ZNF654: variants seen among roughly 807,000 people sequenced by gnomAD.
The protein encoded by ZNF654 is melanoma-associated antigen.
A neutral mutation model predicts 95.3 loss-of-function variants in ZNF654; 19 were observed. The ratio of observed to expected loss-of-function variants is 0.20; its 90% CI spans 0.14 to 0.29. ZNF654 has a LOEUF of 0.29. Ranked by LOEUF, ZNF654 falls within the 10% of genes least tolerant of loss-of-function variation. The pLI is 1.00. For synonymous variants in ZNF654, 413 were observed against 457.9 expected, an observed-to-expected ratio of 0.90 and a Z score of 1.25; for missense variants, 1,046 against 1,341.0, an observed-to-expected ratio of 0.78 and a Z score of 3.44.
At chr3:88,109,056 A>AT (rs1465169906) in intron 2 of ZNF654, among the ~76,000 whole-genome samples, 1 of 151,790 alleles carries the variant, frequency 6.6e-6, no homozygotes, top group Non-Finnish European at 1.5e-5. Flanking sequence ...ATTGATGAAA[A>AT]TTGGGTTAGG....
intron 1 of ZNF654, among the ~76,000 whole-genome samples, chr3:88,070,508 C>CA (rs946383552): frequency 6.8e-6 from 1 of 147,542 alleles, no homozygotes; most frequent in African/African-American, 2.5e-5. Flanking sequence ...TCAGACATAC[C>CA]AAAAAAAGTT....
rs1431043046 is a variant in ZNF654, at chr3:88,126,118, G to T, written c.415-16G>T. On this transcript the variant is annotated splice_polypyrimidine_tract_variant and intron_variant, in intron 3 of 8. Transcript: ENST00000636215. ...CCCTTTAAATTCACAGAGCCAAAAT[G>T]ATTTTTCTCTCCTAGGAATGCCAGA... The T allele has an allele frequency of 6.1e-6, 9 of 1,466,634 alleles. No homozygotes were observed. The highest frequency in any genetic ancestry group is 1.4e-5 in the African/African-American group (1 of 70,830). 90.9% of individuals were successfully genotyped at this position (1,466,634 alleles called of 1,614,324 possible).
At chr3:88,065,370 A>G (rs1229270567) in intron 1 of ZNF654, among the ~76,000 whole-genome samples, 4 of 152,144 alleles carry the variant, frequency 2.6e-5, no homozygotes, top group Non-Finnish European at 5.9e-5. Flanking sequence ...TTGTAATAGT[A>G]AATCATTGAA....
At chr3:88,126,026 A>G in intron 3 of ZNF654, 108 bp from the exon 4 acceptor site, 1 of 1,183,470 alleles carries the variant, frequency 8.4e-7, no homozygotes, top group Non-Finnish European at 1.1e-6. Flanking sequence ...CTCTTTTATA[A>G]TTTAATAGCT....
chr3:88,128,076 G>C (rs779755222), intron 4 of ZNF654, among the ~76,000 whole-genome samples: 2 of 152,014 alleles, frequency 1.3e-5, no homozygotes, highest in Non-Finnish European at 2.9e-5. Flanking sequence ...TTAATTATTT[G>C]TCCTTGGGCA....
chr3:88,139,839 A>G lies in ZNF654; in HGVS notation c.2170A>G (p.Ile724Val), dbSNP rs1387280705. The G allele has an allele frequency of 1.3e-6, 2 of 1,580,284 alleles. No individual in the cohort carries two copies. Among genetic ancestry groups the G allele is most frequent in the South Asian group, 2.3e-5 (2 of 87,124 alleles). ...TGACCTGAATCAAGAAACTTCAGTAATTCATAAAATCAATGGAACTGTGTG... is the reference window on the plus strand; with the variant it reads ...TGACCTGAATCAAGAAACTTCAGTAGTTCATAAAATCAATGGAACTGTGTG... ...DYDLNQETSVIHKINGTVCHP... is the reference protein window; with the variant it reads ...DYDLNQETSVVHKINGTVCHP... The change falls in exon 8 of 9, where the codon ATT becomes GTT. Residue 724 changes from isoleucine (I) to valine (V), a missense_variant. Ile to Val is a conservative substitution (Grantham distance 29). Transcript: ENST00000636215.
At chr3:88,104,359 A>C (rs1025449609) in intron 2 of ZNF654, among the ~76,000 whole-genome samples, 1 of 152,228 alleles carries the variant, frequency 6.6e-6, no homozygotes. Context: ...TAGATATTTT[A>C]GACTCATGGA....
At chr3:88,112,636 T>C (rs1048516234) in intron 2 of ZNF654, among the ~76,000 whole-genome samples, 2 of 152,068 alleles carry the variant, frequency 1.3e-5, no homozygotes, top group African/African-American at 4.8e-5. Context: ...TGCTATAATA[T>C]AAATGTTGGC....
intron 2 of ZNF654, among the ~76,000 whole-genome samples, chr3:88,089,192 A>T (rs1428029060): frequency 5.4e-4 from 3 of 5,516 alleles, no homozygotes; most frequent in Admixed American, 0.013. Flanking sequence ...CTTACGTATT[A>T]AAAAAAAAAA....
chr3:88,063,238 G>A (rs1706989051), intron 1 of ZNF654, among the ~76,000 whole-genome samples: 1 of 152,208 alleles, frequency 6.6e-6, no homozygotes, highest in South Asian at 2.1e-4. Flanking sequence ...CGGAATATCA[G>A]TAATGCCGAG....
intron 1 of ZNF654, among the ~76,000 whole-genome samples, chr3:88,076,557 A>T (rs1458817463): frequency 6.6e-6 from 1 of 151,912 alleles, no homozygotes; most frequent in African/African-American, 2.4e-5. Context: ...GTTAATTGTG[A>T]GTGCATCATC....
At chr3:88,117,796 C>T (rs4580585) in intron 3 of ZNF654, among the ~76,000 whole-genome samples, 119,087 of 151,878 alleles carry the variant, frequency 0.78, 47,577 homozygotes, top group South Asian at 0.91. Context: ...GGCATCTATG[C>T]GGAAATAACT....
At chr3:88,071,824 C>T (rs1453820164) in intron 1 of ZNF654, among the ~76,000 whole-genome samples, 1 of 152,098 alleles carries the variant, frequency 6.6e-6, no homozygotes, top group Non-Finnish European at 1.5e-5. Context: ...ATCAAAAACA[C>T]TTCCGTATCA....
intron 5 of ZNF654, among the ~76,000 whole-genome samples, chr3:88,129,322 A>T (rs1172522228): frequency 5.5e-3 from 150 of 27,142 alleles, no homozygotes; most frequent in African/African-American, 0.011. Context: ...TGCCAGGAGT[A>T]AAAAAAAAAA....
chr3:88,075,262 C>T (rs774272245), intron 1 of ZNF654, among the ~76,000 whole-genome samples: 8 of 152,188 alleles, frequency 5.3e-5, no homozygotes, highest in South Asian at 2.1e-4. Context: ...TAGTTTGTAA[C>T]GCTTCAAGCA....
At chr3:88,133,570 A>T (rs1706591096) in intron 6 of ZNF654, among the ~76,000 whole-genome samples, 1 of 149,940 alleles carries the variant, frequency 6.7e-6, no homozygotes, top group East Asian at 1.9e-4. Flanking sequence ...CATCTTAGGA[A>T]TGAAGTACTT....
chr3:88,111,632 T>C (rs553064701), intron 2 of ZNF654, among the ~76,000 whole-genome samples: 5 of 152,170 alleles, frequency 3.3e-5, no homozygotes, highest in African/African-American at 1.2e-4. Flanking sequence ...TTTTTGCTTC[T>C]ATAAACCATT....
Position 88,141,642 on chromosome 3 carries a change from C to A in ZNF654, c.3380-3C>A. The A allele has an allele frequency of 6.6e-7, 1 of 1,507,372 alleles. No homozygotes were observed. Among genetic ancestry groups the A allele is most frequent in the Non-Finnish European group, 9.0e-7 (1 of 1,114,502 alleles). The allele number at this position is 1,507,372 out of a possible 1,614,324, so 93.4% of individuals were successfully genotyped here. ...GCATTAACAGATGTGTTCTGTTTTA[C>A]AGGTGCCTGATGAAAACGGTTCAGA... On this transcript the variant is annotated splice_polypyrimidine_tract_variant and splice_region_variant and intron_variant, in intron 8 of 8. Transcript: ENST00000636215.
chr3:88,125,392 A>T (rs920644919), intron 3 of ZNF654, among the ~76,000 whole-genome samples: 1 of 152,184 alleles, frequency 6.6e-6, no homozygotes, highest in African/African-American at 2.4e-5. Context: ...TGTTATAATG[A>T]CAAGTCCAAG....
Sources: allele counts gnomAD v4.1 joint callset (sites outside exome capture counted in the v4.1 genomes callset), GRCh38; gene constraint gnomAD v4.1.1; transcripts MANE v1.5; gene names NCBI Gene and HGNC (gene_info 2026-07-23, HGNC 2026-07-21).